SLC38A4: variants seen among roughly 807,000 people sequenced by gnomAD.
The protein encoded by SLC38A4 is solute carrier family 38 member 4.
A neutral mutation model predicts 63.1 loss-of-function variants in SLC38A4; 20 were observed. The observed-to-expected ratio is 0.32, with a 90% CI of 0.22 to 0.46. The LOEUF is 0.46. Among genes scored for constraint, SLC38A4 ranks in the 20% least tolerant of loss-of-function variants. SLC38A4 has a pLI of 1.00. For missense variants in SLC38A4, 526 were observed against 663.6 expected (o/e 0.79, Z 2.28); for synonymous variants, 230 against 225.5 (o/e 1.02, Z -0.18).
chr12:46,804,128 T>C (rs1402389871), intron 1 of SLC38A4, among the ~76,000 whole-genome samples: 1 of 152,020 alleles, frequency 6.6e-6, no homozygotes, highest in Non-Finnish European at 1.5e-5. Flanking sequence ...TTATTTTCTT[T>C]TAAGTTGTTG....
intron 2 of SLC38A4, among the ~76,000 whole-genome samples, chr12:46,797,520 T>C (rs544760104): frequency 6.6e-6 from 1 of 152,266 alleles, no homozygotes; most frequent in South Asian, 2.1e-4. Flanking sequence ...GGCCTCAGAT[T>C]AAATTATACC....
chr12:46,820,754 CT>C (rs1213962861), intron 1 of SLC38A4, among the ~76,000 whole-genome samples: 1 of 152,022 alleles, frequency 6.6e-6, no homozygotes, highest in African/African-American at 2.4e-5. Flanking sequence ...AACCTCCATA[CT>C]GTTTTCCATA....
intron 1 of SLC38A4, among the ~76,000 whole-genome samples, chr12:46,814,066 G>A (rs1460445853): frequency 6.6e-6 from 1 of 152,006 alleles, no homozygotes; most frequent in Non-Finnish European, 1.5e-5. Flanking sequence ...CAAGGTTATT[G>A]TGAGGGTTAA....
intron 2 of SLC38A4, among the ~76,000 whole-genome samples, chr12:46,801,195 C>G (rs576072486): frequency 6.6e-6 from 1 of 152,162 alleles, no homozygotes; most frequent in African/African-American, 2.4e-5. Context: ...TCATTTCTAT[C>G]ATATTAATTA....
chr12:46,807,201 AC>A (rs1939251266), intron 1 of SLC38A4, among the ~76,000 whole-genome samples: 1 of 152,012 alleles, frequency 6.6e-6, no homozygotes, highest in South Asian at 2.1e-4. Context: ...ATTTTTTAAT[AC>A]TTTTGTAATG....
intron 1 of SLC38A4, among the ~76,000 whole-genome samples, chr12:46,823,824 A>G (rs772490289): frequency 1.1e-4 from 16 of 152,208 alleles, no homozygotes; most frequent in Non-Finnish European, 2.1e-4. Context: ...TCCAGGTACT[A>G]TTCAGAAGTG....
chr12:46,780,692 A>G (rs1016734567), intron 7 of SLC38A4, among the ~76,000 whole-genome samples: 3 of 151,996 alleles, frequency 2.0e-5, no homozygotes, highest in African/African-American at 7.2e-5. Flanking sequence ...GCATCTAGGT[A>G]AGTGATACAT....
upstream of SLC38A4, among the ~76,000 whole-genome samples, chr12:46,829,382 G>A (rs936182566): frequency 4.0e-5 from 6 of 150,656 alleles, no homozygotes; most frequent in Non-Finnish European, 5.9e-5. Context: ...TTGTTTTGAT[G>A]TATATAAAAT....
At chr12:46,796,656 C>A (rs1939012959) in intron 2 of SLC38A4, among the ~76,000 whole-genome samples, 1 of 152,150 alleles carries the variant, frequency 6.6e-6, no homozygotes, top group Non-Finnish European at 1.5e-5. Flanking sequence ...GGGGGTGAAG[C>A]ATTTTAATGT....
chr12:46,825,728 G>C (rs1466185795), intron 1 of SLC38A4, among the ~76,000 whole-genome samples, 175 bp downstream of exon 1: 1 of 152,134 alleles, frequency 6.6e-6, no homozygotes, highest in East Asian at 1.9e-4. Context: ...TAGCATGCAC[G>C]AAACGCTTCT....
At chr12:46,778,824 A>C (rs1251927659) in intron 10 of SLC38A4, 48 bp from the exon 11 acceptor site, 1 of 1,563,304 alleles carries the variant, frequency 6.4e-7, no homozygotes, top group South Asian at 1.2e-5. Context: ...TTTTGAGAAA[A>C]AACAATGAAA....
At chr12:46,791,506 T>C (rs1423535806) in intron 3 of SLC38A4, among the ~76,000 whole-genome samples, 3 of 152,208 alleles carry the variant, frequency 2.0e-5, no homozygotes, top group Non-Finnish European at 2.9e-5. Flanking sequence ...TGATGGATTT[T>C]CCTGGGTGTT....
rs768380569 is a variant in SLC38A4, at chr12:46,765,447, CT to C, written c.*1253del. ...TAGATATGCTAAATTAAAAGAACAA[CT>C]TTAGTATGATAAAAATTTGCAAAAA... On this transcript the variant is annotated 3_prime_UTR_variant, in exon 17 of 17. Coordinates refer to ENST00000266579, the MANE Select transcript of SLC38A4 (RefSeq NM_018018.5). The C allele has an allele frequency of 2.2e-5, 8 of 369,262 alleles. No individual in the cohort carries two copies. The highest frequency in any genetic ancestry group is 4.2e-5 in the Non-Finnish European group (8 of 192,676). 22.9% of individuals were successfully genotyped at this position (369,262 alleles called of 1,614,324 possible). A position where few individuals can be genotyped will look rare whatever the true frequency, so the allele number is the denominator to read the frequency against.
At chr12:46,797,137 G>A (rs1222478363) in intron 2 of SLC38A4, among the ~76,000 whole-genome samples, 17 of 152,054 alleles carry the variant, frequency 1.1e-4, no homozygotes, top group Non-Finnish European at 2.4e-4. Flanking sequence ...CATTCTTCCA[G>A]TCCACTCCCA....
At chr12:46,831,055 G>A (rs1939724834) in intron 1 of SLC38A4, among the ~76,000 whole-genome samples, 1 of 152,132 alleles carries the variant, frequency 6.6e-6, no homozygotes, top group Admixed American at 6.5e-5. Flanking sequence ...AGCATTCCAG[G>A]GTCAGTCCTG....
intron 4 of SLC38A4, 136 bp downstream of exon 4, chr12:46,788,392 C>A: frequency 1.5e-6 from 1 of 679,110 alleles, no homozygotes; most frequent in Non-Finnish European, 2.5e-6. Flanking sequence ...GCCCTTATTC[C>A]AGTAAGAGCC....
chr12:46,798,774 C>T (rs981642326), intron 2 of SLC38A4, among the ~76,000 whole-genome samples: 33 of 152,098 alleles, frequency 2.2e-4, no homozygotes, highest in African/African-American at 7.5e-4. Context: ...TTCTTCAGAG[C>T]GGTCCTCTGA....
chr12:46,799,470 C>T (rs1282139689), intron 2 of SLC38A4, among the ~76,000 whole-genome samples: 5 of 152,048 alleles, frequency 3.3e-5, no homozygotes, highest in East Asian at 1.9e-4. Context: ...GGCATGGTGG[C>T]GCATGCCTGT....
At chr12:46,796,077 T>C (rs1247959112) in intron 2 of SLC38A4, among the ~76,000 whole-genome samples, 1 of 152,170 alleles carries the variant, frequency 6.6e-6, no homozygotes, top group African/African-American at 2.4e-5. Context: ...AGCTTTTCTG[T>C]TTATGTTCGA....
Sources: gnomAD v4.1 joint callset for allele counts (sites outside exome capture counted in the v4.1 genomes callset) on GRCh38, gnomAD v4.1.1 for gene constraint, MANE v1.5 for transcripts, NCBI Gene and HGNC (gene_info 2026-07-23, HGNC 2026-07-21) for gene names.